Variants in RABGEF1 observed in about 807,000 individuals in gnomAD.
RABGEF1 encodes the protein rab5 GDP/GTP exchange factor.
In RABGEF1, 26 loss-of-function variants were observed where a neutral mutation model predicts 57.3. The ratio of observed to expected loss-of-function variants is 0.45; its 90% CI spans 0.33 to 0.63. The LOEUF (loss-of-function observed/expected upper bound fraction) is 0.63, where lower values mean the gene tolerates loss of function less well. Among genes scored for constraint, RABGEF1 ranks in the 20% least tolerant of loss-of-function variants. The pLI, the probability that RABGEF1 is intolerant of heterozygous loss-of-function variation, is 0.02. For missense variants in RABGEF1, 464 were observed against 607.6 expected, an observed-to-expected ratio of 0.76 and a Z score of 2.48; for synonymous variants, 185 against 210.7, an observed-to-expected ratio of 0.88 and a Z score of 1.06.
intron 2 of RABGEF1, among the ~76,000 whole-genome samples, chr7:66,772,329 A>G (rs1268129751): frequency 6.6e-6 from 1 of 152,226 alleles, no homozygotes; most frequent in Non-Finnish European, 1.5e-5. Context: ...AAATGTAGAC[A>G]ATAAGCTCCT....
chr7:66,791,780 A>G (rs999830979), intron 4 of RABGEF1, among the ~76,000 whole-genome samples: 8 of 152,224 alleles, frequency 5.3e-5, no homozygotes, highest in Non-Finnish European at 1.2e-4. Context: ...CAGAGTAAAA[A>G]TTTATTTTAG....
At position 66,765,743 on chromosome 7, in the gene RABGEF1, C is replaced by T. The variant is rs573281342; in HGVS notation, c.-17-6140C>T. On this transcript the variant is annotated intron_variant, in intron 1 of 8. Transcript: ENST00000284957. ...CCGACTTAGTCCCATTTCCAAAACTCGAAGCAAAAGACTCTAACACAGTTG... is the reference window on the plus strand; with the variant it reads ...CCGACTTAGTCCCATTTCCAAAACTTGAAGCAAAAGACTCTAACACAGTTG... 1.1e-3 allele frequency among the ~76,000 whole-genome samples: 168 copies of T among 152,230 alleles called. 1 individual carries two copies. Among genetic ancestry groups the T allele is most frequent in the African/African-American group, 3.9e-3 (161 of 41,526 alleles).
the RABGEF1 span, among the ~76,000 whole-genome samples, chr7:66,655,406 C>T: frequency 3.3e-5 from 5 of 152,150 alleles, no homozygotes; most frequent in Non-Finnish European, 7.4e-5. Flanking sequence ...GTCGTGGGCG[C>T]CCGTGGACTC....
chr7:66,697,829 G>A (rs912281883), intron 1 of RABGEF1, among the ~76,000 whole-genome samples: 1 of 152,062 alleles, frequency 6.6e-6, no homozygotes, highest in African/African-American at 2.4e-5. Flanking sequence ...TGGGGCCATC[G>A]GAGGAAGGCT....
chr7:66,675,967 GTTAA>G, the RABGEF1 span, among the ~76,000 whole-genome samples: 1 of 152,144 alleles, frequency 6.6e-6, no homozygotes, highest in African/African-American at 2.4e-5. Context: ...AACTTGGGTT[GTTAA>G]TTAGTTAAGT....
At chr7:66,785,952 C>T (rs559003805) in intron 4 of RABGEF1, among the ~76,000 whole-genome samples, 2 of 152,240 alleles carry the variant, frequency 1.3e-5, no homozygotes, top group South Asian at 4.1e-4. Context: ...TTACCACCAA[C>T]TAAACTTTCT....
chr7:66,665,487 G>C, the RABGEF1 span, among the ~76,000 whole-genome samples: 1 of 152,034 alleles, frequency 6.6e-6, no homozygotes, highest in Non-Finnish European at 1.5e-5. Context: ...GCTGGGGGAT[G>C]GGATGAGCTA....
chr7:66,685,739 C>T (rs1790525306), intron 1 of RABGEF1, among the ~76,000 whole-genome samples: 1 of 152,214 alleles, frequency 6.6e-6, no homozygotes, highest in African/African-American at 2.4e-5. Context: ...AGTACTTACT[C>T]ATTGTGATGT....
intron 1 of RABGEF1, among the ~76,000 whole-genome samples, chr7:66,699,159 C>T (rs1033542749): frequency 6.6e-6 from 1 of 152,132 alleles, no homozygotes; most frequent in Non-Finnish European, 1.5e-5. Flanking sequence ...TCCATTCTCT[C>T]CCCCGAGCTC....
intron 7 of RABGEF1, among the ~76,000 whole-genome samples, chr7:66,803,654 G>T (rs1157876886): frequency 6.6e-6 from 1 of 152,134 alleles, no homozygotes. Flanking sequence ...ATTTTGGGAG[G>T]CTGAGGTGGG....
At chr7:66,720,887 A>G (rs1228125338) in intron 2 of RABGEF1, among the ~76,000 whole-genome samples, 2 of 152,092 alleles carry the variant, frequency 1.3e-5, no homozygotes, top group Admixed American at 6.6e-5. Context: ...AAACAATGGG[A>G]ACTGAAATTT....
intron 6 of RABGEF1, among the ~76,000 whole-genome samples, chr7:66,798,018 A>G (rs1008946384): frequency 6.6e-6 from 1 of 152,154 alleles, no homozygotes; most frequent in African/African-American, 2.4e-5. Context: ...TTGGGAGGCT[A>G]AGGCACGAGA....
chr7:66,802,853 C>G lies in RABGEF1; in HGVS notation c.821-2287C>G, dbSNP rs373626988. On this transcript the variant is annotated intron_variant, in intron 7 of 8. Coordinates refer to ENST00000284957, the MANE Select transcript of RABGEF1 (RefSeq NM_014504.3). ...GATAAAACATAATTCACTTTTTACT[C>G]GCTTTCAAAATGTCAACAGTAAAGA... Among the ~76,000 whole-genome samples, 4 of 152,182 alleles carry G rather than the reference C, an allele frequency of 2.6e-5. No homozygotes were observed. In the East Asian group the frequency reaches 5.8e-4, roughly 22 times the overall value.
intron 5 of RABGEF1, among the ~76,000 whole-genome samples, chr7:66,795,941 C>G (rs576529904): frequency 1.7e-4 from 26 of 152,272 alleles, no homozygotes; most frequent in African/African-American, 6.0e-4. Flanking sequence ...GAGTTCGAGA[C>G]CAGCCTGGCC....
the RABGEF1 span, among the ~76,000 whole-genome samples, chr7:66,674,637 T>C: frequency 6.6e-6 from 1 of 152,076 alleles, no homozygotes; most frequent in African/African-American, 2.4e-5. Flanking sequence ...AACAAACTAC[T>C]GGTACACACA....
At chr7:66,731,842 C>T (rs1259608952) in intron 2 of RABGEF1, among the ~76,000 whole-genome samples, 1 of 152,190 alleles carries the variant, frequency 6.6e-6, no homozygotes, top group Non-Finnish European at 1.5e-5. Context: ...AACTGAGGCT[C>T]AGGTTTGGCA....
intron 2 of RABGEF1, among the ~76,000 whole-genome samples, chr7:66,718,366 G>A (rs940928554): frequency 6.6e-6 from 1 of 152,070 alleles, no homozygotes; most frequent in African/African-American, 2.4e-5. Flanking sequence ...AAGAAAAATA[G>A]TTAAATAGCT....
intron 2 of RABGEF1, among the ~76,000 whole-genome samples, chr7:66,728,024 C>T (rs566252801): frequency 6.6e-6 from 1 of 152,194 alleles, no homozygotes; most frequent in African/African-American, 2.4e-5. Flanking sequence ...CCAATGTCCC[C>T]CTTCCACCTT....
chr7:66,746,131 C>T (rs1412668102), intron 1 of RABGEF1, among the ~76,000 whole-genome samples: 1 of 152,104 alleles, frequency 6.6e-6, no homozygotes, highest in Admixed American at 6.5e-5. Flanking sequence ...TAACAGTTAT[C>T]CCACTTAATA....
Sources: gnomAD v4.1 joint callset for allele counts (sites outside exome capture counted in the v4.1 genomes callset) on GRCh38, gnomAD v4.1.1 for gene constraint, MANE v1.5 for transcripts, NCBI Gene and HGNC (gene_info 2026-07-23, HGNC 2026-07-21) for gene names.